EIF3M: variants seen among roughly 807,000 people sequenced by gnomAD.
EIF3M encodes B5 receptor.
In EIF3M, 25 loss-of-function variants were observed where a neutral mutation model predicts 49.7. The observed-to-expected ratio is 0.50, with a 90% CI of 0.37 to 0.70. The LOEUF (loss-of-function observed/expected upper bound fraction) is 0.70. Ranked by LOEUF, EIF3M falls within the 30% of genes least tolerant of loss-of-function variation. The pLI is 0.00. For missense variants in EIF3M, 350 were observed against 440.0 expected, an observed-to-expected ratio of 0.80 and a Z score of 1.83; for synonymous variants, 156 against 149.8, an observed-to-expected ratio of 1.04 and a Z score of -0.30.
chr11:32,595,866 A>G (rs1855169897), intron 7 of EIF3M, 100 bp from the exon 8 acceptor site: 4 of 847,372 alleles, frequency 4.7e-6, no homozygotes, highest in South Asian at 1.8e-5. Flanking sequence ...AAAATGTAGG[A>G]GTCAGTATCT....
intron 8 of EIF3M, among the ~76,000 whole-genome samples, chr11:32,599,345 C>T (rs1235291851): frequency 6.6e-6 from 1 of 151,948 alleles, no homozygotes; most frequent in Non-Finnish European, 1.5e-5. Context: ...AGCAATACTT[C>T]CTTGTATACC....
intron 9 of EIF3M, chr11:32,601,066 C>A: frequency 3.0e-6 from 1 of 337,018 alleles, no homozygotes; most frequent in African/African-American, 2.1e-5. Flanking sequence ...AGGCAATACA[C>A]CACTGTGGTT....
chr11:32,602,248 C>CT (rs767533888), intron 10 of EIF3M, 31 bp from the exon 11 acceptor site: 12 of 1,601,318 alleles, frequency 7.5e-6, no homozygotes, highest in Non-Finnish European at 1.0e-5. Flanking sequence ...AAAAGGTTGA[C>CT]TAACACTGTG....
rs1288282627 is a variant in EIF3M at position 32,605,650 on chromosome 11, T to C, written c.*3251T>C. On this transcript the variant is annotated 3_prime_UTR_variant, in exon 11 of 11. Transcript: ENST00000531120. ...GGACACGTTTACTTGCTTTAGTTTC[T>C]TTCCCCTTAACTACCCACTTGCTGA... The C allele has an allele frequency of 1.3e-5, 2 of 152,224 alleles. No homozygotes were observed. Among genetic ancestry groups the C allele is most frequent in the Non-Finnish European group, 2.9e-5 (2 of 68,034 alleles). 9.4% of individuals were successfully genotyped at this position (152,224 alleles called of 1,614,324 possible).
chr11:32,595,073 A>ATTTTACATACTGCAAAT (rs1266221435), intron 7 of EIF3M, 60 bp downstream of exon 7: 1 of 1,441,294 alleles, frequency 6.9e-7, no homozygotes, highest in Non-Finnish European at 9.6e-7. Context: ...TACATACTGA[A>ATTTTACATACTGCAAAT]GCAGGACTCT....
At chr11:32,586,678 G>A (rs1331280476) in intron 1 of EIF3M, among the ~76,000 whole-genome samples, 1 of 152,150 alleles carries the variant, frequency 6.6e-6, no homozygotes, top group Non-Finnish European at 1.5e-5. Context: ...CTTCTCCCCA[G>A]CAACCACACC....
At chr11:32,596,311 G>C (rs1179800535) in intron 8 of EIF3M, among the ~76,000 whole-genome samples, 1 of 152,102 alleles carries the variant, frequency 6.6e-6, no homozygotes, top group African/African-American at 2.4e-5. Context: ...AACAACTCGG[G>C]GCCCAGCGCG....
At chr11:32,591,498 AG>A (rs1855102184) in intron 5 of EIF3M, among the ~76,000 whole-genome samples, 1 of 152,248 alleles carries the variant, frequency 6.6e-6, no homozygotes, top group Admixed American at 6.5e-5. Flanking sequence ...GAAAAGAAAA[AG>A]GCAAAGGTAC....
intron 8 of EIF3M, among the ~76,000 whole-genome samples, chr11:32,600,035 A>G (rs2133203687): frequency 6.6e-6 from 1 of 152,068 alleles, no homozygotes; most frequent in East Asian, 1.9e-4. Flanking sequence ...ATAAAGAACA[A>G]GTATCACTTT....
rs1218643545 is a variant in EIF3M at position 32,604,330 on chromosome 11, T to C, written c.*1931T>C. ...GCCATGTTGCCCAGGCTGGTCTCTC[T>C]TAACTCTTGGGCTCAAGTGATCTGA... On this transcript the variant is annotated 3_prime_UTR_variant, in exon 11 of 11. Transcript: ENST00000531120. The C allele has an allele frequency of 6.6e-6, 1 of 152,194 alleles. No individual in the cohort carries two copies. Among genetic ancestry groups the C allele is most frequent in the African/African-American group, 2.4e-5 (1 of 41,424 alleles). The allele number at this position is 152,194 out of a possible 1,614,324, so 9.4% of individuals were successfully genotyped here.
At position 32,600,161 on chromosome 11, in the gene EIF3M, T is replaced by G. The variant is rs139508377; in HGVS notation, c.800-528T>G. 2.7e-3 allele frequency among the ~76,000 whole-genome samples: 417 copies of G among 152,032 alleles called. 1 individual carries two copies. Among genetic ancestry groups the G allele is most frequent in the Admixed American group, 5.3e-3 (81 of 15,282 alleles). On this transcript the variant is annotated intron_variant, in intron 8 of 10. Coordinates refer to ENST00000531120, the MANE Select transcript of EIF3M (RefSeq NM_006360.6). ...TAGTTTTGATTTTTAAATAGTGACCTGAAGCAAAATGGAATGTTTTCATAA... is the reference window on the plus strand; with the variant it reads ...TAGTTTTGATTTTTAAATAGTGACCGGAAGCAAAATGGAATGTTTTCATAA...
At position 32,600,892 on chromosome 11, in the gene EIF3M, T is replaced by C. The variant is rs1286480963; in HGVS notation, c.943+60T>C. The C allele has an allele frequency of 6.6e-6, 10 of 1,514,438 alleles. No individual in the cohort carries two copies. In the African/African-American group the frequency reaches 8.5e-5, roughly 13 times the overall value. 93.8% of individuals were successfully genotyped at this position (1,514,438 alleles called of 1,614,324 possible). On this transcript the variant is annotated intron_variant, in intron 9 of 10. Transcript: ENST00000531120. The stretch of plus-strand genomic sequence containing the variant: ...AATTTCTCATCTACTACATGGATCA[T>C]AGTAAGATTTTTATCTGGAAACTGA...
chr11:32,602,813 A>T lies in EIF3M; in HGVS notation c.*414A>T, dbSNP rs2133206635. 1.7e-5 allele frequency: 27 copies of T among 1,578,440 alleles called. No individual in the cohort carries two copies. Among genetic ancestry groups the T allele is most frequent in the East Asian group, 2.3e-5 (1 of 44,218 alleles). ...ACTACTGAAAGCACTTATCTACATT[A>T]TTTTAATCTGTTGTTTTTTTCCAAC... On this transcript the variant is annotated 3_prime_UTR_variant, in exon 11 of 11. Transcript: ENST00000531120.
intron 5 of EIF3M, chr11:32,592,118 A>G (rs531947424): frequency 1.3e-4 from 39 of 299,162 alleles, no homozygotes; most frequent in South Asian, 1.2e-3. Context: ...TGCTGCCACC[A>G]CCCCAGCACC....
At chr11:32,588,489 A>G in intron 2 of EIF3M, 105 bp from the exon 3 acceptor site, 1 of 1,329,476 alleles carries the variant, frequency 7.5e-7, no homozygotes, top group Non-Finnish European at 1.0e-6. Flanking sequence ...AAAGTGTCTT[A>G]CATTTGATGG....
chr11:32,597,578 T>C (rs1467926825), intron 8 of EIF3M, among the ~76,000 whole-genome samples: 1 of 152,236 alleles, frequency 6.6e-6, no homozygotes, highest in Non-Finnish European at 1.5e-5. Context: ...TCAAATCTTA[T>C]TCATCCTTAT....
intron 1 of EIF3M, 91 bp downstream of exon 1, chr11:32,584,020 G>A (rs1311204373): frequency 6.5e-7 from 1 of 1,532,074 alleles, no homozygotes; most frequent in Non-Finnish European, 8.9e-7. Context: ...CGGGCGGCCG[G>A]GGCTGACACC....
rs746678519 is a variant in EIF3M at position 32,587,070 on chromosome 11, C to T, written c.101C>T (p.Ser34Leu). The T allele has an allele frequency of 8.1e-6, 13 of 1,612,342 alleles. No homozygotes were observed. In the Admixed American group the frequency reaches 8.3e-5, roughly 10 times the overall value. The change falls in exon 2 of 11, where the codon TCG becomes TTG. Residue 34 changes from serine to leucine, a missense_variant. By Grantham distance (145) the Ser-to-Leu change is moderately radical. Transcript: ENST00000531120. ...SKGAEISEENSEGGLHVDLAQ... is the reference protein window; with the variant it reads ...SKGAEISEENLEGGLHVDLAQ... Reference sequence around the variant, plus strand: ...GGAGCTGAGATTTCAGAAGAGAACTCGGAAGGTGGACTTCATGTTGATTTA... The same window carrying T: ...GGAGCTGAGATTTCAGAAGAGAACTTGGAAGGTGGACTTCATGTTGATTTA...
Position 32,589,542 on chromosome 11 carries a change from T to G in EIF3M, c.439-5T>G. On this transcript the variant is annotated splice_region_variant and splice_polypyrimidine_tract_variant and intron_variant, in intron 4 of 10. Coordinates refer to ENST00000531120, the MANE Select transcript of EIF3M (RefSeq NM_006360.6). ...CAGTTTTCTCCTTTTGTCAATCTCT[T>G]GTAGGTTAGAAAATGGATTTCTGAC... is the stretch of plus-strand genomic sequence containing the variant. 1 of 1,611,584 alleles carries G rather than the reference T, an allele frequency of 6.2e-7. No individual in the cohort carries two copies. The highest frequency in any genetic ancestry group is 8.5e-7 in the Non-Finnish European group (1 of 1,179,266).
Sources: allele counts gnomAD v4.1 joint callset (sites outside exome capture counted in the v4.1 genomes callset), GRCh38; gene constraint gnomAD v4.1.1; transcripts MANE v1.5; gene names NCBI Gene and HGNC (gene_info 2026-07-23, HGNC 2026-07-21).